ZPBP: variants seen among roughly 807,000 people sequenced by gnomAD.
ZPBP encodes the protein zona pellucida-binding protein 1.
A neutral mutation model predicts 44.8 loss-of-function variants in ZPBP; 26 were observed. The ratio of observed to expected loss-of-function variants is 0.58; its 90% CI spans 0.43 to 0.81. The LOEUF is 0.81. ZPBP is among the 30% of genes least tolerant of loss of function. The probability of loss-of-function intolerance (pLI) is 0.00; values close to 1 mark genes in which losing one functional copy is unlikely to be tolerated. For missense variants in ZPBP, 409 were observed against 434.0 expected (o/e 0.94, Z 0.51); for synonymous variants, 174 against 153.2 (o/e 1.14, Z -1.00).
chr7:49,926,019 C>T (rs1434778709), intron 1 of ZPBP, among the ~76,000 whole-genome samples: 2 of 152,214 alleles, frequency 1.3e-5, no homozygotes, highest in Non-Finnish European at 2.9e-5. Context: ...CCTGAATGGA[C>T]TGCTGTTGGG....
At chr7:49,900,054 A>G (rs939773796) in intron 2 of ZPBP, among the ~76,000 whole-genome samples, 2 of 151,878 alleles carry the variant, frequency 1.3e-5, no homozygotes, top group African/African-American at 4.8e-5. Flanking sequence ...ATGTTAAACA[A>G]TAAACTTATA....
In ZPBP at chr7:50,053,007, T is replaced by C. The variant is rs115349951; in HGVS notation, c.487+4982A>G. Among the ~76,000 whole-genome samples, 1,185 of 152,312 alleles carry C rather than the reference T, an allele frequency of 7.8e-3. 25 individuals carry two copies. Among genetic ancestry groups the C allele is most frequent in the African/African-American group, 0.027 (1,123 of 41,576 alleles). On this transcript the variant is annotated intron_variant, in intron 4 of 7. Coordinates refer to ENST00000046087, the MANE Select transcript of ZPBP (RefSeq NM_007009.3). Reference sequence around the variant, plus strand: ...TCCTTGTCTTGATGGGACTGCTCTGTATCTTGTCTATGGTTGTAGATACCT... The same window carrying C: ...TCCTTGTCTTGATGGGACTGCTCTGCATCTTGTCTATGGTTGTAGATACCT...
intron 3 of ZPBP, among the ~76,000 whole-genome samples, chr7:50,078,950 C>T (rs1911752): frequency 0.83 from 125,518 of 151,310 alleles, 52,091 homozygotes; most frequent in East Asian, 0.88. Flanking sequence ...AACAAGCATA[C>T]GAAAAGATAC....
At chr7:50,049,042 A>C (rs1207085748) in intron 4 of ZPBP, among the ~76,000 whole-genome samples, 3 of 151,948 alleles carry the variant, frequency 2.0e-5, no homozygotes, top group Non-Finnish European at 4.4e-5. Context: ...GAATACTACA[A>C]ACAACTCTAT....
intron 1 of ZPBP, among the ~76,000 whole-genome samples, chr7:50,091,187 G>GT (rs1331001248): frequency 3.3e-5 from 5 of 151,630 alleles, no homozygotes; most frequent in Non-Finnish European, 1.5e-5. Context: ...ATGCTAATTT[G>GT]TTTGAGTTCC....
chr7:50,069,216 T>C (rs760796463), intron 3 of ZPBP, among the ~76,000 whole-genome samples: 2 of 152,206 alleles, frequency 1.3e-5, no homozygotes, highest in Non-Finnish European at 2.9e-5. Context: ...GATTGGAATG[T>C]AGGGAGGAGG....
At chr7:49,974,467 C>T (rs1454176122) in intron 7 of ZPBP, among the ~76,000 whole-genome samples, 3 of 151,908 alleles carry the variant, frequency 2.0e-5, no homozygotes, top group Non-Finnish European at 2.9e-5. Context: ...TTTTACTTTA[C>T]AGAAACTATA....
At chr7:50,064,310 G>A (rs1801395620) in intron 3 of ZPBP, among the ~76,000 whole-genome samples, 1 of 152,160 alleles carries the variant, frequency 6.6e-6, no homozygotes, top group Admixed American at 6.5e-5. Context: ...TGGAGGCAGG[G>A]GGAGATCACA....
chr7:50,003,614 A>G (rs1025204332), intron 6 of ZPBP, among the ~76,000 whole-genome samples: 4 of 152,164 alleles, frequency 2.6e-5, no homozygotes, highest in African/African-American at 7.2e-5. Flanking sequence ...TAGTTTGGAT[A>G]CCAGATTGGA....
chr7:49,938,428 C>A (rs748432164), intron 7 of ZPBP, among the ~76,000 whole-genome samples: 1 of 152,164 alleles, frequency 6.6e-6, no homozygotes, highest in Non-Finnish European at 1.5e-5. Flanking sequence ...AGGTCAGATA[C>A]CATCTCTGTC....
chr7:49,893,649 T>TA (rs11403180), intron 2 of ZPBP, among the ~76,000 whole-genome samples: 108,080 of 149,582 alleles, frequency 0.72, 39,140 homozygotes, highest in East Asian at 0.86. Context: ...TTTTTTTTTT[T>TA]ATCCTTTTGA....
intron 2 of ZPBP, among the ~76,000 whole-genome samples, chr7:50,085,353 T>C (rs1802584144): frequency 6.6e-6 from 1 of 152,148 alleles, no homozygotes; most frequent in Non-Finnish European, 1.5e-5. Flanking sequence ...ACCCTGTCTG[T>C]GGTTCTTTTG....
chr7:50,063,007 G>A (rs750877918), intron 3 of ZPBP, among the ~76,000 whole-genome samples: 1 of 148,218 alleles, frequency 6.7e-6, no homozygotes, highest in Non-Finnish European at 1.5e-5. Flanking sequence ...AATGCAGGGG[G>A]AAGCATACTA....
At chr7:50,067,160 G>A (rs954876036) in intron 3 of ZPBP, among the ~76,000 whole-genome samples, 66 of 152,076 alleles carry the variant, frequency 4.3e-4, no homozygotes, top group African/African-American at 1.4e-3. Context: ...CTTTTGCATG[G>A]CCATACTTAA....
chr7:49,988,232 A>T (rs1433695048), intron 6 of ZPBP, among the ~76,000 whole-genome samples: 1 of 152,196 alleles, frequency 6.6e-6, no homozygotes, highest in Non-Finnish European at 1.5e-5. Flanking sequence ...AAAAATAAAT[A>T]ATATGGAAAT....
intron 2 of ZPBP, among the ~76,000 whole-genome samples, chr7:49,861,097 C>T (rs570646255): frequency 1.3e-5 from 2 of 152,312 alleles, no homozygotes; most frequent in East Asian, 3.9e-4. Context: ...TTTTACATTC[C>T]CACCAGCAAT....
At chr7:49,952,256 G>T (rs1053386512) in intron 7 of ZPBP, among the ~76,000 whole-genome samples, 1 of 151,836 alleles carries the variant, frequency 6.6e-6, no homozygotes, top group African/African-American at 2.4e-5. Context: ...AGAGAGCTTC[G>T]TTTGATCTGT....
At chr7:49,855,217 C>T (rs1176436236) in intron 2 of ZPBP, among the ~76,000 whole-genome samples, 1 of 152,128 alleles carries the variant, frequency 6.6e-6, no homozygotes, top group Non-Finnish European at 1.5e-5. Flanking sequence ...TTTCTCATGT[C>T]TCTGAAAATG....
chr7:49,954,108 C>CTA (rs1179812977), intron 7 of ZPBP, among the ~76,000 whole-genome samples: 1 of 152,072 alleles, frequency 6.6e-6, no homozygotes, highest in Non-Finnish European at 1.5e-5. Context: ...TAACGACAGA[C>CTA]TATATAGCCC....
Sources: gnomAD v4.1 joint callset for allele counts (sites outside exome capture counted in the v4.1 genomes callset) on GRCh38, gnomAD v4.1.1 for gene constraint, MANE v1.5 for transcripts, NCBI Gene and HGNC (gene_info 2026-07-23, HGNC 2026-07-21) for gene names.